The following LRRFIP1 variants were observed in gnomAD, a reference collection of about 807,000 sequenced individuals.
LRRFIP1 encodes the protein leucine-rich repeat flightless-interacting protein 1.
A neutral mutation model predicts 104.4 loss-of-function variants in LRRFIP1; 62 were observed. That is an observed-to-expected ratio of 0.59 (90% CI 0.48 to 0.73). The LOEUF (loss-of-function observed/expected upper bound fraction) is 0.73. Ranked by LOEUF, LRRFIP1 falls within the 30% of genes least tolerant of loss-of-function variation. The pLI, the probability that LRRFIP1 is intolerant of heterozygous loss-of-function variation, is 0.00. For synonymous variants in LRRFIP1, 300 were observed against 299.0 expected, an observed-to-expected ratio of 1.00 and a Z score of -0.03; for missense variants, 796 against 824.5, an observed-to-expected ratio of 0.97 and a Z score of 0.42.
intron 2 of LRRFIP1, 188 bp downstream of exon 2, chr2:237,708,818 G>T (rs866184751): frequency 4.1e-6 from 3 of 728,280 alleles, no homozygotes; most frequent in Admixed American, 2.0e-5. Flanking sequence ...GATACCAGGC[G>T]TGCCTGCTCA....
At position 237,758,770 on chromosome 2, in the gene LRRFIP1, T is replaced by C. The variant is rs763745133; in HGVS notation, c.1266T>C (p.Ser422=). ...AAGAGTTCTTTGATTCCGTAAGGAG[T>C]GAACGGGATGATCTTAGAGAAGAAG... ...RQKEFFDSVR[S]ERDDLREEVV... Residue 422 remains serine, a synonymous_variant, in exon 18 of 24, where the codon AGT becomes AGC. Transcript: ENST00000308482. 1.2e-6 allele frequency: 2 copies of C among 1,613,120 alleles called. No individual in the cohort carries two copies. Among genetic ancestry groups the C allele is most frequent in the East Asian group, 4.5e-5 (2 of 44,862 alleles).
intron 1 of LRRFIP1, among the ~76,000 whole-genome samples, chr2:237,684,666 C>T (rs151197912): frequency 3.0e-4 from 46 of 151,872 alleles, no homozygotes; most frequent in African/African-American, 1.1e-3. Context: ...TTTTTCTTCA[C>T]AGGAGAGCTG....
intron 1 of LRRFIP1, among the ~76,000 whole-genome samples, chr2:237,706,686 G>A (rs1457032820): frequency 6.6e-6 from 1 of 152,156 alleles, no homozygotes; most frequent in Non-Finnish European, 1.5e-5. Flanking sequence ...GGAGTGCAGT[G>A]GCACAATCAC....
chr2:237,771,551 T>G (rs1455277502), intron 20 of LRRFIP1, among the ~76,000 whole-genome samples: 2 of 50,022 alleles, frequency 4.0e-5, no homozygotes, highest in African/African-American at 8.1e-5. Context: ...CTGGAACCAA[T>G]CCCCCCCCCC....
intron 4 of LRRFIP1, among the ~76,000 whole-genome samples, chr2:237,719,070 G>A (rs1433423340): frequency 1.3e-5 from 2 of 152,188 alleles, no homozygotes; most frequent in Non-Finnish European, 2.9e-5. Flanking sequence ...CTTCAGAGAT[G>A]TCCAAGTGTG....
At chr2:237,718,978 T>G (rs568918066) in intron 4 of LRRFIP1, among the ~76,000 whole-genome samples, 17 of 152,234 alleles carry the variant, frequency 1.1e-4, no homozygotes, top group African/African-American at 3.9e-4. Flanking sequence ...TCTTTGAAGT[T>G]GTATCATTGT....
chr2:237,758,073 G>A (rs62194225), intron 17 of LRRFIP1, among the ~76,000 whole-genome samples: 43,456 of 151,960 alleles, frequency 0.29, 6,553 homozygotes, highest in East Asian at 0.53. Flanking sequence ...CCACAAAGTA[G>A]TTGTCATGAT....
intron 8 of LRRFIP1, among the ~76,000 whole-genome samples, chr2:237,730,237 G>A (rs953725468): frequency 1.3e-5 from 2 of 152,110 alleles, no homozygotes; most frequent in African/African-American, 4.8e-5. Flanking sequence ...TGGTTTCTTG[G>A]GCATGGACTA....
intron 1 of LRRFIP1, among the ~76,000 whole-genome samples, chr2:237,657,902 T>C (rs753679013): frequency 1.2e-4 from 19 of 152,184 alleles, no homozygotes; most frequent in Non-Finnish European, 2.4e-4. Flanking sequence ...AGAAGCTCGG[T>C]GATAGCACTG....
chr2:237,709,621 C>T (rs1211370680), intron 2 of LRRFIP1, among the ~76,000 whole-genome samples: 1 of 152,188 alleles, frequency 6.6e-6, no homozygotes, highest in Non-Finnish European at 1.5e-5. Context: ...AAAGACCAAG[C>T]TGGCCACATA....
chr2:237,755,191 G>T (rs183531276), intron 15 of LRRFIP1, among the ~76,000 whole-genome samples: 2 of 152,200 alleles, frequency 1.3e-5, no homozygotes, highest in East Asian at 3.9e-4. Flanking sequence ...CAGCAGAGCC[G>T]AGCTGCCAGC....
intron 1 of LRRFIP1, among the ~76,000 whole-genome samples, chr2:237,658,874 A>G (rs567242268): frequency 5.9e-5 from 9 of 152,310 alleles, no homozygotes; most frequent in African/African-American, 2.2e-4. Context: ...TTGGGTGGGG[A>G]CACAAAGCCT....
intron 19 of LRRFIP1, among the ~76,000 whole-genome samples, chr2:237,767,646 C>A (rs942582644): frequency 6.6e-6 from 1 of 152,160 alleles, no homozygotes; most frequent in Non-Finnish European, 1.5e-5. Context: ...TTGTAATTAA[C>A]CGGAGACCTA....
At position 237,757,492 on chromosome 2, in the gene LRRFIP1, A is replaced by G; in HGVS notation, c.1168A>G (p.Ile390Val). 1.3e-6 allele frequency: 2 copies of G among 1,597,414 alleles called. No homozygotes were observed. The highest frequency in any genetic ancestry group is 2.3e-5 in the East Asian group (1 of 44,414). ...RQLQQKQASS[I>V]REISDLQETI... is the part of the protein sequence containing the mutation. Reference sequence around the variant, plus strand: ...GCTACAGCAGAAACAGGCGAGTTCTATCAGGGAGATTTCTGATCTTCAGGA... The same window carrying G: ...GCTACAGCAGAAACAGGCGAGTTCTGTCAGGGAGATTTCTGATCTTCAGGA... The change falls in exon 17 of 24, where the codon ATC (isoleucine) becomes GTC (valine). Residue 390 changes from isoleucine to valine, a missense_variant. By Grantham distance (29) the Ile-to-Val change is conservative (BLOSUM62 3). Transcript: ENST00000308482.
chr2:237,748,061 C>T (rs1172053160), intron 11 of LRRFIP1, among the ~76,000 whole-genome samples: 1 of 152,224 alleles, frequency 6.6e-6, no homozygotes, highest in East Asian at 1.9e-4. Flanking sequence ...GGGTCCGTTC[C>T]TCATGTGCAC....
intron 11 of LRRFIP1, among the ~76,000 whole-genome samples, chr2:237,744,294 C>T (rs1190867735): frequency 6.6e-6 from 1 of 152,184 alleles, no homozygotes; most frequent in Admixed American, 6.5e-5. Flanking sequence ...AGAAGGACCT[C>T]GCAAGGATGT....
At chr2:237,749,364 T>G (rs1468058650) in intron 13 of LRRFIP1, 40 bp downstream of exon 13, 1 of 1,605,608 alleles carries the variant, frequency 6.2e-7, no homozygotes, top group East Asian at 2.2e-5. Context: ...GAGAGAACCT[T>G]TTGTAAAAAT....
At chr2:237,772,712 C>T (rs1251845057) in intron 21 of LRRFIP1, 154 bp from the exon 22 acceptor site, 3 of 621,700 alleles carry the variant, frequency 4.8e-6, no homozygotes, top group Non-Finnish European at 2.8e-6. Flanking sequence ...AGTGCCTTCT[C>T]CTACTCTCAG....
At position 237,714,178 on chromosome 2, in the gene LRRFIP1, A is replaced by G. The variant is rs1477571621; in HGVS notation, c.184-81A>G. 15 of 945,416 alleles carry G rather than the reference A, an allele frequency of 1.6e-5. No individual in the cohort carries two copies. The Middle Eastern group carries it at 9.0e-4, about 56-fold the overall frequency. 58.6% of individuals were successfully genotyped at this position (945,416 alleles called of 1,614,324 possible). Reference sequence around the variant, plus strand: ...TGTGACTTGATTCATATGTCTAGTTACTTACAGAACCTTTCATTCTGATGT... The same window carrying G: ...TGTGACTTGATTCATATGTCTAGTTGCTTACAGAACCTTTCATTCTGATGT... On this transcript the variant is annotated intron_variant, in intron 2 of 23. Coordinates refer to ENST00000308482, the MANE Select transcript of LRRFIP1 (RefSeq NM_001137550.2).
Sources: gnomAD v4.1 joint callset for allele counts (sites outside exome capture counted in the v4.1 genomes callset) on GRCh38, gnomAD v4.1.1 for gene constraint, MANE v1.5 for transcripts, NCBI Gene and HGNC (gene_info 2026-07-23, HGNC 2026-07-21) for gene names.